LIPC: variants seen among roughly 807,000 people sequenced by gnomAD.
LIPC encodes the protein lipase C, hepatic type.
Under a neutral mutation model 50.7 loss-of-function variants are expected in LIPC, and 44 were observed. The observed-to-expected ratio is 0.87, with a 90% CI of 0.68 to 1.11. The LOEUF is 1.11. Ranked by LOEUF, LIPC falls within the 50% of genes most tolerant of loss-of-function variation. LIPC has a pLI of 0.00. For synonymous variants in LIPC, 271 were observed against 256.4 expected, an observed-to-expected ratio of 1.06 and a Z score of -0.54; for missense variants, 697 against 648.2, an observed-to-expected ratio of 1.08 and a Z score of -0.82.
At chr15:58,501,336 G>A (rs1386555787) in intron 1 of LIPC, among the ~76,000 whole-genome samples, 2 of 135,764 alleles carry the variant, frequency 1.5e-5, no homozygotes, top group East Asian at 4.2e-4. Flanking sequence ...ATTACCTAGA[G>A]GCCTCTCATA....
At chr15:58,546,644 C>A (rs755059285) in intron 5 of LIPC, among the ~76,000 whole-genome samples, 10 of 152,172 alleles carry the variant, frequency 6.6e-5, no homozygotes, top group Non-Finnish European at 1.5e-4. Flanking sequence ...TCAGCAGAAG[C>A]AGCACATTCC....
Position 58,530,866 on chromosome 15 carries a change from A to G in LIPC, c.89-7467A>G, listed in dbSNP as rs549760174. Among the ~76,000 whole-genome samples the G allele has an allele frequency of 2.0e-5, 3 of 152,344 alleles. No individual in the cohort carries two copies. In the South Asian group the frequency reaches 6.2e-4, roughly 32 times the overall value. ...TTGTTCCTTTTTCCTGCTGAGTAGT[A>G]TTCCATTGGATGGATATGCGACAAT... is the stretch of plus-strand genomic sequence containing the variant. On this transcript the variant is annotated intron_variant, in intron 1 of 8. Coordinates refer to ENST00000299022, the MANE Select transcript of LIPC (RefSeq NM_000236.3).
At chr15:58,449,798 C>T (rs1304076838) in intron 1 of LIPC, among the ~76,000 whole-genome samples, 1 of 152,174 alleles carries the variant, frequency 6.6e-6, no homozygotes. Flanking sequence ...CCTCGGACTC[C>T]CAAAGTGTTG....
chr15:58,447,818 G>A (rs1375436463), intron 1 of LIPC, among the ~76,000 whole-genome samples: 4 of 152,140 alleles, frequency 2.6e-5, no homozygotes, highest in African/African-American at 9.7e-5. Context: ...AGTTCTAAAG[G>A]TCACAAAACA....
intron 8 of LIPC, among the ~76,000 whole-genome samples, chr15:58,567,914 C>T (rs1894444547): frequency 6.6e-6 from 1 of 152,106 alleles, no homozygotes; most frequent in Non-Finnish European, 1.5e-5. Flanking sequence ...TTCATTTATT[C>T]CTTTACCATT....
At position 58,545,754 on chromosome 15, in the gene LIPC, C is replaced by G; in HGVS notation, c.587C>G (p.Ala196Gly). 1.2e-6 allele frequency: 2 copies of G among 1,614,160 alleles called. No homozygotes were observed. The highest frequency in any genetic ancestry group is 2.2e-5 in the East Asian group (1 of 44,876). The change falls in exon 5 of 9, where the codon GCG becomes GGG. Residue 196 changes from alanine to glycine, a missense_variant. Coordinates refer to ENST00000299022, the MANE Select transcript of LIPC (RefSeq NM_000236.3). ...GCTTTCCCATTAGGGCTGGATGCCGCGGGACCTTTGTTTGAGGGAAGTGCC... is the reference window on the plus strand; with the variant it reads ...GCTTTCCCATTAGGGCTGGATGCCGGGGGACCTTTGTTTGAGGGAAGTGCC... ...KIGRITGLDA[A>G]GPLFEGSAPS...
At chr15:58,518,220 T>C (rs564231932) in intron 1 of LIPC, among the ~76,000 whole-genome samples, 11 of 152,328 alleles carry the variant, frequency 7.2e-5, no homozygotes, top group African/African-American at 2.6e-4. Context: ...CAAAACTATC[T>C]CCAGGTGTTG....
At chr15:58,565,072 G>A (rs954362652) in intron 8 of LIPC, 7 of 887,822 alleles carry the variant, frequency 7.9e-6, no homozygotes, top group African/African-American at 6.5e-5. Flanking sequence ...GCCTGTGGCA[G>A]ATGTATGCCC....
chr15:58,489,883 A>G (rs1263790413), intron 1 of LIPC, among the ~76,000 whole-genome samples: 1 of 152,194 alleles, frequency 6.6e-6, no homozygotes, highest in Non-Finnish European at 1.5e-5. Flanking sequence ...AGCTTGGCCT[A>G]CACCTAGGAA....
chr15:58,459,400 TC>T (rs1414329760), intron 1 of LIPC, among the ~76,000 whole-genome samples: 8 of 107,074 alleles, frequency 7.5e-5, no homozygotes, highest in African/African-American at 1.4e-4. Flanking sequence ...CTTTTTTCTT[TC>T]TTTTTTTTTT....
chr15:58,495,147 G>A (rs1014027876), intron 1 of LIPC, among the ~76,000 whole-genome samples: 3 of 152,178 alleles, frequency 2.0e-5, no homozygotes, highest in African/African-American at 7.2e-5. Context: ...AAGAGCACTG[G>A]ACTACGCATC....
chr15:58,507,091 T>C lies in LIPC; in HGVS notation c.89-31242T>C, dbSNP rs576255322. 8.5e-4 allele frequency among the ~76,000 whole-genome samples: 129 copies of C among 152,126 alleles called. 1 individual carries two copies. The highest frequency in any genetic ancestry group is 1.3e-3 in the Non-Finnish European group (87 of 67,994). On this transcript the variant is annotated intron_variant, in intron 1 of 8. Coordinates refer to ENST00000299022, the MANE Select transcript of LIPC (RefSeq NM_000236.3). ...CCATGATTCAATGATCTTCACCTGG[T>C]CCCTCCCAGGACATGTGGGGATTAT...
chr15:58,555,998 C>T (rs578083350), intron 6 of LIPC, among the ~76,000 whole-genome samples: 1 of 152,324 alleles, frequency 6.6e-6, no homozygotes, highest in Non-Finnish European at 1.5e-5. Context: ...GGATCCCATC[C>T]TGGGGCTCAG....
intron 1 of LIPC, among the ~76,000 whole-genome samples, chr15:58,459,987 G>A (rs1894281119): frequency 6.6e-6 from 1 of 152,178 alleles, no homozygotes. Flanking sequence ...TTCCTAAGAA[G>A]GGAAAACAAC....
intron 1 of LIPC, among the ~76,000 whole-genome samples, chr15:58,507,053 G>T (rs1892175776): frequency 6.6e-6 from 1 of 152,124 alleles, no homozygotes. Context: ...GAACAAGCTG[G>T]GGGAAACCAC....
At chr15:58,529,746 T>C (rs1370310323) in intron 1 of LIPC, among the ~76,000 whole-genome samples, 1 of 152,162 alleles carries the variant, frequency 6.6e-6, no homozygotes, top group Non-Finnish European at 1.5e-5. Flanking sequence ...CTGGCTTGAA[T>C]GTCAGGAGAG....
chr15:58,532,233 A>T (rs192589653), intron 1 of LIPC, among the ~76,000 whole-genome samples: 12 of 152,330 alleles, frequency 7.9e-5, no homozygotes, highest in African/African-American at 2.6e-4. Flanking sequence ...AACAGCTAGG[A>T]GCTGAATCTG....
At chr15:58,538,609 T>C in intron 2 of LIPC, 92 bp downstream of exon 2, 1 of 1,277,920 alleles carries the variant, frequency 7.8e-7, no homozygotes, top group Non-Finnish European at 1.1e-6. Context: ...GATAGGGAGC[T>C]GGTGATAACA....
At chr15:58,442,427 C>T (rs1248730534) in intron 1 of LIPC, among the ~76,000 whole-genome samples, 2 of 152,148 alleles carry the variant, frequency 1.3e-5, no homozygotes, top group African/African-American at 4.8e-5. Flanking sequence ...AGTCAATGAC[C>T]CTTATGCCAT....
Sources: allele counts gnomAD v4.1 joint callset (sites outside exome capture counted in the v4.1 genomes callset), GRCh38; gene constraint gnomAD v4.1.1; transcripts MANE v1.5; gene names NCBI Gene and HGNC (gene_info 2026-07-23, HGNC 2026-07-21).